The following KCNQ5 variants were observed in gnomAD, a reference collection of about 807,000 sequenced individuals.
KCNQ5 encodes potassium voltage-gated channel subfamily Q member 5, also known as potassium voltage-gated channel subfamily KQT member 5.
In KCNQ5, 30 loss-of-function variants were observed where a neutral mutation model predicts 98.2. The ratio of observed to expected loss-of-function variants is 0.31; its 90% confidence interval spans 0.23 to 0.41. KCNQ5 has a LOEUF of 0.41. KCNQ5 is among the 10% of genes least tolerant of loss of function. The pLI is 1.00. For missense variants in KCNQ5, 835 were observed against 1,182.5 expected (o/e 0.71, Z 4.31); for synonymous variants, 458 against 449.4 (o/e 1.02, Z -0.24).
chr6:72,880,743 A>G lies in KCNQ5; in HGVS notation c.399-123165A>G, dbSNP rs536710900. Among the ~76,000 whole-genome samples the G allele has an allele frequency of 5.9e-5, 9 of 152,252 alleles. No homozygotes were observed. The South Asian group carries it at 1.5e-3, about 25-fold the overall frequency. On this transcript the variant is annotated intron_variant, in intron 1 of 13. Coordinates refer to ENST00000370398, the MANE Select transcript of KCNQ5 (RefSeq NM_019842.4). ...ACTGATTTTTATGTTTTGGTCTTATATCCTGGCAACCTTGCTGAATTACCT... is the reference window on the plus strand; with the variant it reads ...ACTGATTTTTATGTTTTGGTCTTATGTCCTGGCAACCTTGCTGAATTACCT...
chr6:72,901,844 C>G (rs1439278596), intron 1 of KCNQ5, among the ~76,000 whole-genome samples: 1 of 151,970 alleles, frequency 6.6e-6, no homozygotes, highest in African/African-American at 2.4e-5. Flanking sequence ...TTTTCTGGTT[C>G]CATATGAATT....
At chr6:73,051,257 C>A (rs1436588836) in intron 3 of KCNQ5, among the ~76,000 whole-genome samples, 2 of 152,236 alleles carry the variant, frequency 1.3e-5, no homozygotes, top group Non-Finnish European at 2.9e-5. Flanking sequence ...CCACGCTCAC[C>A]ACTAGCCTGC....
chr6:73,133,463 C>A lies in KCNQ5; in HGVS notation c.1290C>A (p.Pro430=). The A allele has an allele frequency of 1.2e-6, 2 of 1,614,144 alleles. No homozygotes were observed. The highest frequency in any genetic ancestry group is 1.7e-6 in the Non-Finnish European group (2 of 1,180,034). Reference sequence around the variant, plus strand: ...AGGAGCGAGTGCGCATGGCTAGCCCCAGGGGCCAGAGTATTAAGAGCCGAC... The same window carrying A: ...AGGAGCGAGTGCGCATGGCTAGCCCAAGGGGCCAGAGTATTAAGAGCCGAC... The part of the protein sequence containing the change: ...SFKERVRMAS[P]RGQSIKSRQA... The change falls in exon 10 of 14, where the codon CCC becomes CCA. Residue 430 remains proline (P), a synonymous_variant. Coordinates refer to ENST00000370398, the MANE Select transcript of KCNQ5 (RefSeq NM_019842.4).
chr6:73,029,858 C>A (rs1771055393), intron 2 of KCNQ5, among the ~76,000 whole-genome samples: 1 of 137,074 alleles, frequency 7.3e-6, no homozygotes. Context: ...TTGCAGTGAG[C>A]CGAGATTGCG....
intron 11 of KCNQ5, among the ~76,000 whole-genome samples, chr6:73,174,842 C>T (rs184892072): frequency 2.0e-5 from 3 of 152,320 alleles, no homozygotes; most frequent in Admixed American, 6.5e-5. Flanking sequence ...ACGGTATACA[C>T]GGTCAGCACT....
chr6:72,696,873 A>G (rs1043499240), intron 1 of KCNQ5, among the ~76,000 whole-genome samples: 4 of 152,192 alleles, frequency 2.6e-5, no homozygotes, highest in African/African-American at 9.7e-5. Context: ...TGATAGTAGT[A>G]ATTTTAGCAC....
At chr6:72,655,546 T>C (rs4706509) in intron 1 of KCNQ5, among the ~76,000 whole-genome samples, 18,611 of 151,884 alleles carry the variant, frequency 0.12, 1,305 homozygotes, top group East Asian at 0.22. Flanking sequence ...AATGCCAGGC[T>C]CCGGATGAGG....
At chr6:73,024,537 G>C (rs1160649601) in intron 2 of KCNQ5, among the ~76,000 whole-genome samples, 1 of 152,080 alleles carries the variant, frequency 6.6e-6, no homozygotes, top group African/African-American at 2.4e-5. Context: ...TCTGAAATGA[G>C]GGATTGCTCT....
intron 2 of KCNQ5, among the ~76,000 whole-genome samples, chr6:73,039,809 T>C (rs551137055): frequency 6.6e-6 from 1 of 152,330 alleles, no homozygotes; most frequent in South Asian, 2.1e-4. Flanking sequence ...AAATGTCTCA[T>C]ATCAGTCAGA....
rs1025143855 is a variant in KCNQ5, at chr6:72,951,733, G to A, written c.399-52175G>A. Among the ~76,000 whole-genome samples, 3 of 152,104 alleles carry A rather than the reference G, an allele frequency of 2.0e-5. No homozygotes were observed. The South Asian group carries it at 6.2e-4, about 32-fold the overall frequency. Reference sequence around the variant, plus strand: ...ATTTTAATCCACAGCTATTTTCCACGAAACATCCTATAGAAGAGATACTTT... The same window carrying A: ...ATTTTAATCCACAGCTATTTTCCACAAAACATCCTATAGAAGAGATACTTT... On this transcript the variant is annotated intron_variant, in intron 1 of 13. Transcript: ENST00000370398.
intron 1 of KCNQ5, among the ~76,000 whole-genome samples, chr6:72,973,559 C>T (rs1768006780): frequency 1.3e-5 from 2 of 152,120 alleles, no homozygotes; most frequent in Admixed American, 1.3e-4. Context: ...ACTTTTCAAG[C>T]ACTTAGAATT....
intron 3 of KCNQ5, among the ~76,000 whole-genome samples, chr6:73,050,467 G>C (rs1388545566): frequency 6.6e-6 from 1 of 152,224 alleles, no homozygotes; most frequent in East Asian, 1.9e-4. Context: ...GAATTTCCAT[G>C]TTCAAATGTA....
At chr6:73,033,421 G>A (rs1186873003) in intron 2 of KCNQ5, among the ~76,000 whole-genome samples, 1 of 152,160 alleles carries the variant, frequency 6.6e-6, no homozygotes, top group Non-Finnish European at 1.5e-5. Flanking sequence ...CTTTTCAGGA[G>A]CAGATTTATA....
intron 1 of KCNQ5, among the ~76,000 whole-genome samples, chr6:72,895,661 A>T (rs920344743): frequency 6.7e-6 from 1 of 149,452 alleles, no homozygotes; most frequent in Admixed American, 6.7e-5. Flanking sequence ...CAACATATAT[A>T]TTATTTAGAG....
chr6:73,080,603 G>C lies in KCNQ5; in HGVS notation c.918+2716G>C, dbSNP rs189942020. The stretch of plus-strand genomic sequence containing the variant: ...AGACCTTAGTGAAAATTATGGTTGG[G>C]TATTTCTTAGTTAAAATTGCGCATG... On this transcript the variant is annotated intron_variant, in intron 5 of 13. Transcript: ENST00000370398. 3.5e-3 allele frequency among the ~76,000 whole-genome samples: 535 copies of C among 152,076 alleles called. 8 individuals carry two copies. The highest frequency in any genetic ancestry group is 2.4e-3 in the Non-Finnish European group (161 of 67,998).
At chr6:72,675,509 G>GGTGTCTGCCCCTA (rs1767363136) in intron 1 of KCNQ5, among the ~76,000 whole-genome samples, 2 of 152,250 alleles carry the variant, frequency 1.3e-5, no homozygotes, top group South Asian at 4.2e-4. Context: ...TTCTGCCCCT[G>GGTGTCTGCCCCTA]GTGTCTGCCC....
At chr6:72,862,337 A>G (rs1777799106) in intron 1 of KCNQ5, among the ~76,000 whole-genome samples, 1 of 152,176 alleles carries the variant, frequency 6.6e-6, no homozygotes, top group Non-Finnish European at 1.5e-5. Flanking sequence ...AAGTTGACTA[A>G]GTGTTTTCAA....
chr6:72,674,029 A>G, intron 1 of KCNQ5, among the ~76,000 whole-genome samples: 1 of 152,184 alleles, frequency 6.6e-6, no homozygotes, highest in Non-Finnish European at 1.5e-5. Context: ...GCATTGCTTC[A>G]TTATTTGTTA....
At chr6:73,147,118 C>T (rs949383226) in intron 10 of KCNQ5, among the ~76,000 whole-genome samples, 6 of 152,130 alleles carry the variant, frequency 3.9e-5, no homozygotes, top group Admixed American at 2.0e-4. Context: ...ATGAGACAAA[C>T]GACTTAACCT....
Sources: allele counts gnomAD v4.1 joint callset (sites outside exome capture counted in the v4.1 genomes callset), GRCh38; gene constraint gnomAD v4.1.1; transcripts MANE v1.5; gene names NCBI Gene and HGNC (gene_info 2026-07-23, HGNC 2026-07-21).